The following RBFOX1 variants were observed in gnomAD, a reference collection of about 807,000 sequenced individuals.
RBFOX1 encodes RNA binding protein fox-1 homolog 1.
A neutral mutation model predicts 57.7 loss-of-function variants in RBFOX1; 8 were observed. The ratio of observed to expected loss-of-function variants is 0.14; its 90% CI spans 0.08 to 0.25. The LOEUF (loss-of-function observed/expected upper bound fraction) is 0.25. Ranked by LOEUF, RBFOX1 falls within the 10% of genes least tolerant of loss-of-function variation. The pLI, the probability that RBFOX1 is intolerant of heterozygous loss-of-function variation, is 1.00. For missense variants in RBFOX1, 611 were observed against 548.5 expected, an observed-to-expected ratio of 1.11 and a Z score of -1.14; for synonymous variants, 326 against 222.4, an observed-to-expected ratio of 1.47 and a Z score of -4.15.
chr16:6,963,203 C>T (rs910639038), intron 3 of RBFOX1, among the ~76,000 whole-genome samples: 2 of 152,060 alleles, frequency 1.3e-5, no homozygotes, highest in African/African-American at 4.8e-5. Flanking sequence ...TCCGTCATGC[C>T]ATAATTTTCT....
At chr16:6,545,637 A>G (rs2096884382) in intron 2 of RBFOX1, among the ~76,000 whole-genome samples, 5 of 152,182 alleles carry the variant, frequency 3.3e-5, no homozygotes, top group Admixed American at 1.3e-4. Context: ...TTGCAGATTT[A>G]TTGATGTGGT....
intron 1 of RBFOX1, among the ~76,000 whole-genome samples, chr16:6,075,281 A>G (rs779827986): frequency 3.3e-5 from 5 of 152,244 alleles, no homozygotes; most frequent in African/African-American, 4.8e-5. Flanking sequence ...TAAGATCACC[A>G]CATTTTCATC....
intron 4 of RBFOX1, among the ~76,000 whole-genome samples, chr16:5,952,804 A>T (rs569134224): frequency 6.6e-6 from 1 of 152,280 alleles, no homozygotes; most frequent in East Asian, 1.9e-4. Context: ...CTCCAGGACA[A>T]GGCCTCCCAT....
intron 2 of RBFOX1, among the ~76,000 whole-genome samples, chr16:6,614,997 G>T (rs1239424329): frequency 6.6e-6 from 1 of 152,164 alleles, no homozygotes; most frequent in Admixed American, 6.5e-5. Context: ...ATTGTTTTGG[G>T]CATTATTTAT....
chr16:7,235,558 A>T (rs144899603), intron 4 of RBFOX1, among the ~76,000 whole-genome samples: 1 of 152,180 alleles, frequency 6.6e-6, no homozygotes, highest in Non-Finnish European at 1.5e-5. Context: ...GAATGGATGT[A>T]TGTTGTGATG....
chr16:7,564,311 G>C (rs2091162120), intron 5 of RBFOX1, among the ~76,000 whole-genome samples: 1 of 151,932 alleles, frequency 6.6e-6, no homozygotes, highest in South Asian at 2.1e-4. Flanking sequence ...ACGCAGAGGT[G>C]GGTAGATCGC....
intron 3 of RBFOX1, among the ~76,000 whole-genome samples, chr16:5,860,671 G>A (rs948165660): frequency 6.6e-6 from 1 of 152,148 alleles, no homozygotes; most frequent in Non-Finnish European, 1.5e-5. Context: ...AGAGGACAAG[G>A]CAATTGTGCT....
chr16:6,027,640 A>G (rs1448437528), intron 1 of RBFOX1, among the ~76,000 whole-genome samples: 1 of 152,206 alleles, frequency 6.6e-6, no homozygotes, highest in African/African-American at 2.4e-5. Context: ...TGTTTAGTGC[A>G]AGTAGGAGTC....
intron 4 of RBFOX1, among the ~76,000 whole-genome samples, chr16:5,951,995 A>ATG (rs1259891834): frequency 9.3e-5 from 14 of 151,204 alleles, no homozygotes; most frequent in Admixed American, 2.0e-4. Flanking sequence ...ATATATATAT[A>ATG]TGTGTGTGTG....
chr16:6,479,213 A>T (rs965398881), intron 2 of RBFOX1, among the ~76,000 whole-genome samples: 3 of 152,240 alleles, frequency 2.0e-5, no homozygotes, highest in Non-Finnish European at 4.4e-5. Flanking sequence ...AAGAAGTTTA[A>T]TTGACTCACA....
chr16:6,298,027 T>C (rs918498601), intron 1 of RBFOX1, among the ~76,000 whole-genome samples: 1 of 152,214 alleles, frequency 6.6e-6, no homozygotes, highest in Admixed American at 6.5e-5. Context: ...GCTGTTGCAC[T>C]GGTCCTCTGC....
chr16:6,544,843 G>A (rs2096873223), intron 2 of RBFOX1, among the ~76,000 whole-genome samples: 1 of 152,310 alleles, frequency 6.6e-6, no homozygotes, highest in East Asian at 1.9e-4. Flanking sequence ...GTGATATTAT[G>A]ATGGGGCTTG....
At chr16:6,564,037 G>A (rs1429792308) in intron 2 of RBFOX1, among the ~76,000 whole-genome samples, 1 of 152,054 alleles carries the variant, frequency 6.6e-6, no homozygotes, top group Non-Finnish European at 1.5e-5. Flanking sequence ...TTCCCAGCAA[G>A]CTATTTCTAG....
intron 4 of RBFOX1, among the ~76,000 whole-genome samples, chr16:6,002,944 C>G (rs986785267): frequency 7.2e-5 from 11 of 152,174 alleles, no homozygotes; most frequent in African/African-American, 2.4e-4. Flanking sequence ...GTTGTAGATC[C>G]TCTGACAGCC....
At chr16:6,469,094 A>G (rs2153077278) in intron 2 of RBFOX1, among the ~76,000 whole-genome samples, 1 of 152,280 alleles carries the variant, frequency 6.6e-6, no homozygotes, top group South Asian at 2.1e-4. Flanking sequence ...AGAACTTCAG[A>G]CAGAGAGTAT....
intron 1 of RBFOX1, among the ~76,000 whole-genome samples, chr16:6,254,026 T>G (rs2097645231): frequency 6.6e-6 from 1 of 152,128 alleles, no homozygotes; most frequent in South Asian, 2.1e-4. Flanking sequence ...CCAGGGGACT[T>G]TAGCTCTCTC....
chr16:7,654,658 T>C lies in RBFOX1; in HGVS notation c.890+711T>C, dbSNP rs889822021. Reference sequence around the variant, plus strand: ...AGTAAAAGAAAAAAAAAAATGATACTGGTGTGTTTGGTGGCAGTCTTGAAA... The same window carrying C: ...AGTAAAAGAAAAAAAAAAATGATACCGGTGTGTTTGGTGGCAGTCTTGAAA... On this transcript the variant is annotated intron_variant, in intron 12 of 15. Coordinates refer to ENST00000550418, the MANE Select transcript of RBFOX1 (RefSeq NM_018723.4). 3.9e-5 allele frequency among the ~76,000 whole-genome samples: 6 copies of C among 152,012 alleles called. No homozygotes were observed. The East Asian group carries it at 9.6e-4, about 24-fold the overall frequency.
intron 2 of RBFOX1, among the ~76,000 whole-genome samples, chr16:6,622,269 A>G (rs2098243900): frequency 6.6e-6 from 1 of 152,208 alleles, no homozygotes; most frequent in Non-Finnish European, 1.5e-5. Context: ...GACTACATAT[A>G]TGACTGTGGT....
intron 2 of RBFOX1, among the ~76,000 whole-genome samples, chr16:6,601,583 A>T (rs1433400647): frequency 6.6e-6 from 1 of 152,110 alleles, no homozygotes; most frequent in Non-Finnish European, 1.5e-5. Flanking sequence ...AAGGCTGTAA[A>T]AGGACCACTG....
Sources: allele counts gnomAD v4.1 joint callset (sites outside exome capture counted in the v4.1 genomes callset), GRCh38; gene constraint gnomAD v4.1.1; transcripts MANE v1.5; gene names NCBI Gene and HGNC (gene_info 2026-07-23, HGNC 2026-07-21).